The following ZNF17 variants were observed in gnomAD, a reference collection of about 807,000 sequenced individuals.
ZNF17 encodes zinc finger protein 17 (HPF3, KOX 10).
In ZNF17, 4 loss-of-function variants were observed where a neutral mutation model predicts 7.7. The observed-to-expected ratio is 0.52, with a 90% CI of 0.26 to 1.20. The LOEUF (loss-of-function observed/expected upper bound fraction) is 1.20, where lower values mean the gene tolerates loss of function less well. Ranked by LOEUF, ZNF17 falls within the 50% of genes most tolerant of loss-of-function variation. ZNF17 has a pLI of 0.14. For missense variants in ZNF17, 738 were observed against 799.5 expected (o/e 0.92, Z 0.93); for synonymous variants, 249 against 258.8 (o/e 0.96, Z 0.36).
chr19:57,414,377 C>T (rs892772084), intron 2 of ZNF17, among the ~76,000 whole-genome samples: 4 of 151,172 alleles, frequency 2.6e-5, no homozygotes, highest in Non-Finnish European at 5.9e-5. Context: ...CTCTGTCGCC[C>T]AGGCGGGAGT....
chr19:57,414,932 G>A (rs967462951), intron 2 of ZNF17, among the ~76,000 whole-genome samples: 2 of 151,298 alleles, frequency 1.3e-5, no homozygotes, highest in Non-Finnish European at 2.9e-5. Flanking sequence ...GGATGGTCTC[G>A]ATCTCCTGAC....
intron 1 of ZNF17, among the ~76,000 whole-genome samples, chr19:57,412,910 G>T (rs553233480): frequency 1.9e-4 from 29 of 148,992 alleles, no homozygotes; most frequent in African/African-American, 6.9e-4. Context: ...ACGGAGTCTC[G>T]CTCTGTCGCC....
chr19:57,420,951 A>C lies in ZNF17; in HGVS notation c.1465A>C (p.Ser489Arg). The C allele has an allele frequency of 6.2e-7, 1 of 1,614,134 alleles. No homozygotes were observed. Among genetic ancestry groups the C allele is most frequent in the Non-Finnish European group, 8.5e-7 (1 of 1,180,000 alleles). The change falls in exon 4 of 4, where the codon AGT becomes CGT. Residue 489 changes from serine to arginine, a missense_variant. This residue lies in a region of ZNF17 where 616 missense variants were observed against 663.9 expected (regional missense o/e 0.93). Transcript: ENST00000307658. ...CTTTGTGGACAGCTGTACACTGAAGAGTCATCAGAGAGTTCACACTGGAGA... is the reference window on the plus strand; with the variant it reads ...CTTTGTGGACAGCTGTACACTGAAGCGTCATCAGAGAGTTCACACTGGAGA... ...KFFVDSCTLK[S>R]HQRVHTGERP...
intron 3 of ZNF17, among the ~76,000 whole-genome samples, chr19:57,418,698 G>A (rs1258788462): frequency 6.6e-6 from 1 of 152,030 alleles, no homozygotes; most frequent in Non-Finnish European, 1.5e-5. Context: ...GCTCAGAAGG[G>A]GTGTGATGAC....
Position 57,421,501 on chromosome 19 carries a change from G to C in ZNF17, c.*20G>C. On this transcript the variant is annotated 3_prime_UTR_variant, in exon 4 of 4. Coordinates refer to ENST00000307658, the MANE Select transcript of ZNF17 (RefSeq NM_001330617.2). ...AGATAAAGAATGTATATATAAAGCAGATGGGGAAAGACTTCACACAGAAAT... is the reference window on the plus strand; with the variant it reads ...AGATAAAGAATGTATATATAAAGCACATGGGGAAAGACTTCACACAGAAAT... The C allele has an allele frequency of 6.4e-7, 1 of 1,557,018 alleles. No homozygotes were observed. Among genetic ancestry groups the C allele is most frequent in the Non-Finnish European group, 8.7e-7 (1 of 1,152,642 alleles).
At position 57,421,520 on chromosome 19, in the gene ZNF17, C is replaced by T. The variant is rs769506938; in HGVS notation, c.*39C>T. On this transcript the variant is annotated 3_prime_UTR_variant, in exon 4 of 4. Transcript: ENST00000307658. ...AAAGCAGATGGGGAAAGACTTCACA[C>T]AGAAATCTACTCTGATTTAGCACTG... 2 of 1,537,648 alleles carry T rather than the reference C, an allele frequency of 1.3e-6. No homozygotes were observed. Among genetic ancestry groups the T allele is most frequent in the East Asian group, 4.5e-5 (2 of 44,192 alleles).
rs777401727 is a variant in ZNF17, at chr19:57,421,218, C to T, written c.1732C>T (p.His578Tyr). The T allele has an allele frequency of 6.2e-7, 1 of 1,614,102 alleles. No homozygotes were observed. Among genetic ancestry groups the T allele is most frequent in the Non-Finnish European group, 8.5e-7 (1 of 1,180,016 alleles). Reference sequence around the variant, plus strand: ...CCACCTCATTCGGCACCAAAAAGTTCACACTAGGGAAAGAACTTACAAATG... The same window carrying T: ...CCACCTCATTCGGCACCAAAAAGTTTACACTAGGGAAAGAACTTACAAATG... ...NSHLIRHQKV[H>Y]TRERTYKCSK... Residue 578 changes from histidine (H) to tyrosine (Y), a missense_variant, in exon 4 of 4, where the codon CAC becomes TAC. His to Tyr is a moderately conservative substitution (Grantham distance 83). Coordinates refer to ENST00000307658, the MANE Select transcript of ZNF17 (RefSeq NM_001330617.2).
Position 57,420,322 on chromosome 19 carries a change from G to A in ZNF17, c.836G>A (p.Ser279Asn). Residue 279 changes from serine to asparagine, a missense_variant, in exon 4 of 4, where the codon AGT (serine) becomes AAT (asparagine). Ser to Asn is a conservative substitution (Grantham distance 46). Coordinates refer to ENST00000307658, the MANE Select transcript of ZNF17 (RefSeq NM_001330617.2). ...ACTGGAGAAAGGCCTTATGAGTGCA[G>A]TGAATGTGGGAAAGCTTTTCTTAGA... ...IHTGERPYEC[S>N]ECGKAFLRKS... The A allele has an allele frequency of 6.2e-7, 1 of 1,614,170 alleles. No individual in the cohort carries two copies. Among genetic ancestry groups the A allele is most frequent in the South Asian group, 1.1e-5 (1 of 91,074 alleles).
Position 57,421,565 on chromosome 19 carries a change from A to C in ZNF17, c.*84A>C. 1.4e-6 allele frequency: 2 copies of C among 1,435,880 alleles called. No homozygotes were observed. Among genetic ancestry groups the C allele is most frequent in the African/African-American group, 2.9e-5 (2 of 69,858 alleles). 88.9% of individuals were successfully genotyped at this position (1,435,880 alleles called of 1,614,324 possible). ...GCACTGGGACCTACGTTTTAAAAAAAGTATTCTTGTAGAATACAGATAACA... is the reference window on the plus strand; with the variant it reads ...GCACTGGGACCTACGTTTTAAAAAACGTATTCTTGTAGAATACAGATAACA... On this transcript the variant is annotated 3_prime_UTR_variant, in exon 4 of 4. Transcript: ENST00000307658.
rs1398133952 is a variant in ZNF17, at chr19:57,420,938, C to G, written c.1452C>G (p.Ser484Arg). Reference protein sequence around the residue: ...CSECGKFFVDSCTLKSHQRVH... With the variant: ...CSECGKFFVDRCTLKSHQRVH... ...AATGTGGCAAATTCTTTGTGGACAG[C>G]TGTACACTGAAGAGTCATCAGAGAG... The change falls in exon 4 of 4, where the codon AGC (serine) becomes AGG (arginine). Residue 484 changes from serine (S) to arginine (R), a missense_variant. Transcript: ENST00000307658. 1 of 1,613,686 alleles carries G rather than the reference C, an allele frequency of 6.2e-7. No homozygotes were observed. Among genetic ancestry groups the G allele is most frequent in the African/African-American group, 1.3e-5 (1 of 74,802 alleles).
chr19:57,413,471 C>T, intron 1 of ZNF17, 125 bp from the exon 2 acceptor site: 1 of 948,850 alleles, frequency 1.1e-6, no homozygotes, highest in South Asian at 1.5e-5. Context: ...GACACTGAAC[C>T]CTGAGGACTT....
intron 1 of ZNF17, chr19:57,411,696 C>T: frequency 1.5e-6 from 2 of 1,315,988 alleles, no homozygotes; most frequent in Non-Finnish European, 1.9e-6. Flanking sequence ...CTGCTGAAAG[C>T]CGTAGAAGGC....
At position 57,420,586 on chromosome 19, in the gene ZNF17, A is replaced by G. The variant is rs775960463; in HGVS notation, c.1100A>G (p.Lys367Arg). Residue 367 changes from lysine to arginine, a missense_variant, in exon 4 of 4, where the codon AAA (lysine) becomes AGA (arginine). Lys to Arg is a conservative substitution (Grantham distance 26). Transcript: ENST00000307658. ...CCTTTTTATTGCTGTGAATGTGGGA[A>G]ATTCTTTATGGACAGCTGCACACTC... The part of the protein sequence containing the change: ...ERPFYCCECG[K>R]FFMDSCTLII... The G allele has an allele frequency of 2.5e-6, 4 of 1,614,080 alleles. No homozygotes were observed. Among genetic ancestry groups the G allele is most frequent in the Non-Finnish European group, 3.4e-6 (4 of 1,180,008 alleles).
rs1325148590 is a variant in ZNF17 at position 57,419,701 on chromosome 19, A to C, written c.215A>C (p.Gln72Pro). ...CAATGTGTTTCTGTAGGAGTGTCAC[A>C]GGTCACAACTTTAAAGCCAGCTTTG... ...SKQCVSVGVS[Q>P]VTTLKPALST... Residue 72 changes from glutamine to proline, a missense_variant, in exon 4 of 4, where the codon CAG becomes CCG. Around this residue, in one of 3 missense-constraint regions of ZNF17, gnomAD observed 616 missense variants for 663.9 expected, o/e 0.93. Coordinates refer to ENST00000307658, the MANE Select transcript of ZNF17 (RefSeq NM_001330617.2). The C allele has an allele frequency of 6.2e-6, 10 of 1,614,102 alleles. 1 individual carries two copies. In the Admixed American group the frequency reaches 1.7e-4, roughly 27 times the overall value.
At position 57,413,582 on chromosome 19, in the gene ZNF17, G is replaced by A. The variant is rs2088792312; in HGVS notation, c.-20-14G>A. 6.5e-7 allele frequency: 1 copy of A among 1,535,818 alleles called. No homozygotes were observed. The highest frequency in any genetic ancestry group is 1.4e-5 in the African/African-American group (1 of 73,166). On this transcript the variant is annotated splice_polypyrimidine_tract_variant and intron_variant, in intron 1 of 3. Transcript: ENST00000307658. ...AATGCTGTCTTAATCCTCATGGCCT[G>A]CCTCTTCCCACAGGGTTCATAGCAG...
intron 2 of ZNF17, among the ~76,000 whole-genome samples, chr19:57,417,389 G>C (rs984163979): frequency 2.0e-5 from 3 of 152,116 alleles, no homozygotes; most frequent in Non-Finnish European, 2.9e-5. Context: ...CAAGCCTTGT[G>C]TTGATTTAGG....
At chr19:57,414,977 T>A (rs530098678) in intron 2 of ZNF17, among the ~76,000 whole-genome samples, 304 of 152,334 alleles carry the variant, frequency 2.0e-3, no homozygotes, top group African/African-American at 7.1e-3. Flanking sequence ...CCCAAAGTGC[T>A]GGAATTACAG....
chr19:57,420,402 T>G lies in ZNF17; in HGVS notation c.916T>G (p.Cys306Gly). ...RIHTRPRPYVCSECGKAFLTQ... is the reference protein window; with the variant it reads ...RIHTRPRPYVGSECGKAFLTQ... Reference sequence around the variant, plus strand: ...TCACACCAGGCCAAGGCCTTATGTGTGTAGTGAATGTGGGAAGGCCTTCCT... The same window carrying G: ...TCACACCAGGCCAAGGCCTTATGTGGGTAGTGAATGTGGGAAGGCCTTCCT... The change falls in exon 4 of 4, where the codon TGT becomes GGT. Residue 306 changes from cysteine (C) to glycine (G), a missense_variant. Coordinates refer to ENST00000307658, the MANE Select transcript of ZNF17 (RefSeq NM_001330617.2). 1 of 1,614,168 alleles carries G rather than the reference T, an allele frequency of 6.2e-7. No homozygotes were observed. Among genetic ancestry groups the G allele is most frequent in the Non-Finnish European group, 8.5e-7 (1 of 1,180,020 alleles).
At chr19:57,413,420 C>T in intron 1 of ZNF17, 176 bp from the exon 2 acceptor site, 1 of 610,510 alleles carries the variant, frequency 1.6e-6, no homozygotes, top group Non-Finnish European at 2.9e-6. Flanking sequence ...CTATTTTACA[C>T]ATAAGGGCAC....
Sources: allele counts gnomAD v4.1 joint callset (sites outside exome capture counted in the v4.1 genomes callset), GRCh38; gene constraint gnomAD v4.1.1; regional missense constraint gnomAD v4.1.1; transcripts MANE v1.5; gene names NCBI Gene and HGNC (gene_info 2026-07-23, HGNC 2026-07-21).